MOB3B: variants seen among roughly 807,000 people sequenced by gnomAD.
MOB3B encodes MOB kinase activator 3B.
Under a neutral mutation model 18.7 loss-of-function variants are expected in MOB3B, and 7 were observed. That is an observed-to-expected ratio of 0.37 (90% CI 0.21 to 0.70). The LOEUF (loss-of-function observed/expected upper bound fraction) is 0.70. Ranked by LOEUF, MOB3B falls within the 30% of genes least tolerant of loss-of-function variation. MOB3B has a pLI of 0.52. For synonymous variants in MOB3B, 111 were observed against 99.9 expected, an observed-to-expected ratio of 1.11 and a Z score of -0.66; for missense variants, 253 against 281.3, an observed-to-expected ratio of 0.90 and a Z score of 0.72.
intron 2 of MOB3B, among the ~76,000 whole-genome samples, chr9:27,388,061 G>A (rs904835639): frequency 6.6e-6 from 1 of 152,184 alleles, no homozygotes; most frequent in African/African-American, 2.4e-5. Flanking sequence ...ATTTAACAAT[G>A]CACAGGACAG....
intron 2 of MOB3B, among the ~76,000 whole-genome samples, chr9:27,387,943 C>T (rs940724807): frequency 6.6e-6 from 1 of 151,644 alleles, no homozygotes; most frequent in Non-Finnish European, 1.5e-5. Context: ...AATGATTTTG[C>T]CCCCCACAGG....
At chr9:27,392,570 CAAGA>C (rs1821741424) in intron 2 of MOB3B, among the ~76,000 whole-genome samples, 2 of 151,926 alleles carry the variant, frequency 1.3e-5, no homozygotes, top group Non-Finnish European at 2.9e-5. Context: ...AGAAAAAAAA[CAAGA>C]AAGCTATAAT....
chr9:27,475,179 G>A (rs1265922910), intron 1 of MOB3B, among the ~76,000 whole-genome samples: 1 of 152,224 alleles, frequency 6.6e-6, no homozygotes, highest in African/African-American at 2.4e-5. Context: ...AAGCCAGCCA[G>A]TGAGGAGCAA....
At chr9:27,407,452 TCA>T (rs1821999388) in intron 2 of MOB3B, among the ~76,000 whole-genome samples, 1 of 152,146 alleles carries the variant, frequency 6.6e-6, no homozygotes, top group African/African-American at 2.4e-5. Context: ...AGAAAATCTT[TCA>T]CACTCACTGC....
chr9:27,362,490 C>T (rs1013772590), intron 2 of MOB3B, among the ~76,000 whole-genome samples: 3 of 152,182 alleles, frequency 2.0e-5, no homozygotes, highest in African/African-American at 7.2e-5. Context: ...CACCTGAACT[C>T]CTCGGGTAGG....
intron 1 of MOB3B, among the ~76,000 whole-genome samples, chr9:27,481,735 C>T (rs1057201185): frequency 2.0e-5 from 3 of 151,910 alleles, no homozygotes; most frequent in Non-Finnish European, 1.5e-5. Context: ...CTGTGTTAGC[C>T]AGGATGGTCT....
intron 1 of MOB3B, among the ~76,000 whole-genome samples, chr9:27,514,345 C>CAAAAAAAAAAAAAAAAAAAAAAAAAA (rs34526085): frequency 1.3e-5 from 1 of 77,638 alleles, no homozygotes; most frequent in African/African-American, 4.9e-5. Context: ...ACCACAAGCT[C>CAAAAAAAAAAAAAAAAAAAAAAAAAA]AAAAAAAAAA....
At chr9:27,472,771 A>G (rs1357067617) in intron 1 of MOB3B, among the ~76,000 whole-genome samples, 1 of 152,024 alleles carries the variant, frequency 6.6e-6, no homozygotes, top group African/African-American at 2.4e-5. Context: ...TTCCTTTTGG[A>G]AAAAGGTGGT....
At chr9:27,452,738 A>G (rs1258150198) in intron 2 of MOB3B, among the ~76,000 whole-genome samples, 3 of 152,220 alleles carry the variant, frequency 2.0e-5, no homozygotes, top group African/African-American at 7.2e-5. Context: ...CCTGGAGAAC[A>G]TAGGTTAAGT....
intron 1 of MOB3B, among the ~76,000 whole-genome samples, chr9:27,519,805 A>T (rs574344517): frequency 3.6e-4 from 55 of 152,200 alleles, no homozygotes; most frequent in African/African-American, 1.3e-3. Flanking sequence ...AGAGCCAAGA[A>T]AGGGACCAGA....
chr9:27,502,076 C>A (rs1283444426), intron 1 of MOB3B, among the ~76,000 whole-genome samples: 1 of 152,164 alleles, frequency 6.6e-6, no homozygotes, highest in Non-Finnish European at 1.5e-5. Context: ...TCCATATATA[C>A]ACGATCCTTC....
At chr9:27,462,960 G>A (rs535018820) in intron 1 of MOB3B, among the ~76,000 whole-genome samples, 5 of 152,322 alleles carry the variant, frequency 3.3e-5, no homozygotes, top group South Asian at 4.1e-4. Context: ...TTAACACCAA[G>A]AGCAGGCAAG....
At chr9:27,397,995 T>C (rs1422379610) in intron 2 of MOB3B, among the ~76,000 whole-genome samples, 2 of 152,220 alleles carry the variant, frequency 1.3e-5, no homozygotes, top group Admixed American at 6.5e-5. Flanking sequence ...AGGCCACTGA[T>C]AAATTTTTTA....
Position 27,326,322 on chromosome 9 carries a change from G to A in MOB3B, c.*4265C>T, listed in dbSNP as rs932862100. 5.1e-6 allele frequency: 2 copies of A among 395,888 alleles called. No homozygotes were observed. The highest frequency in any genetic ancestry group is 4.1e-5 in the African/African-American group (2 of 48,582). 24.5% of individuals were successfully genotyped at this position (395,888 alleles called of 1,614,324 possible). Reference sequence around the variant, plus strand: ...ACCCTGGGAGAATTGCAAGGGAAAGGAGGCTGAAGCACAACTGGTAATAGC... The same window carrying A: ...ACCCTGGGAGAATTGCAAGGGAAAGAAGGCTGAAGCACAACTGGTAATAGC... On this transcript the variant is annotated 3_prime_UTR_variant, in exon 4 of 4. Coordinates refer to ENST00000262244, the MANE Select transcript of MOB3B (RefSeq NM_024761.5).
At chr9:27,522,242 C>CAAAAAAAAAAAAAAAAAAAAAAA (rs1171362204) in intron 1 of MOB3B, among the ~76,000 whole-genome samples, 14 of 56,046 alleles carry the variant, frequency 2.5e-4, no homozygotes, top group Admixed American at 6.4e-4. Flanking sequence ...CCCCGTCTCA[C>CAAAAAAAAAAAAAAAAAAAAAAA]AAAAAAAAAA....
chr9:27,523,567 A>C (rs985591933), intron 1 of MOB3B, among the ~76,000 whole-genome samples: 3 of 152,218 alleles, frequency 2.0e-5, no homozygotes, highest in Admixed American at 2.0e-4. Context: ...CAGGACTTTT[A>C]AGAAAGGTAT....
At chr9:27,518,702 AG>A (rs1820277477) in intron 1 of MOB3B, among the ~76,000 whole-genome samples, 1 of 152,182 alleles carries the variant, frequency 6.6e-6, no homozygotes. Flanking sequence ...AGCCCCTCTA[AG>A]GTTGATAAAA....
intron 2 of MOB3B, among the ~76,000 whole-genome samples, chr9:27,415,017 A>G (rs1314635968): frequency 6.6e-6 from 1 of 152,060 alleles, no homozygotes; most frequent in Non-Finnish European, 1.5e-5. Context: ...GTGCACCACC[A>G]TGCCTGGCTA....
chr9:27,377,916 G>A (rs567825574), intron 2 of MOB3B, among the ~76,000 whole-genome samples: 1 of 152,318 alleles, frequency 6.6e-6, no homozygotes, highest in Admixed American at 6.5e-5. Context: ...CAGGGTGATG[G>A]GCAAGCCCAG....
Sources: gnomAD v4.1 joint callset for allele counts (sites outside exome capture counted in the v4.1 genomes callset) on GRCh38, gnomAD v4.1.1 for gene constraint, MANE v1.5 for transcripts, NCBI Gene and HGNC (gene_info 2026-07-23, HGNC 2026-07-21) for gene names.